The following MEGF11 variants were observed in gnomAD, a reference collection of about 807,000 sequenced individuals.
The protein encoded by MEGF11 is multiple epidermal growth factor-like domains protein 11.
In MEGF11, 126 loss-of-function variants were observed where a neutral mutation model predicts 146.6. That is an observed-to-expected ratio of 0.86 (90% CI 0.74 to 1.00). MEGF11 has a LOEUF of 1.00. Ranked by LOEUF, MEGF11 falls within the 50% of genes least tolerant of loss-of-function variation. The probability of loss-of-function intolerance (pLI) is 0.00; values close to 1 mark genes in which losing one functional copy is unlikely to be tolerated. For missense variants in MEGF11, 1,509 were observed against 1,521.2 expected, an observed-to-expected ratio of 0.99 and a Z score of 0.13; for synonymous variants, 532 against 583.4, an observed-to-expected ratio of 0.91 and a Z score of 1.27.
chr15:65,936,244 G>A (rs2079782170), intron 10 of MEGF11, among the ~76,000 whole-genome samples: 1 of 152,166 alleles, frequency 6.6e-6, no homozygotes, highest in Admixed American at 6.5e-5. Context: ...GGAATTGGGT[G>A]CATACATAGC....
chr15:66,085,263 G>A (rs1019962347), intron 5 of MEGF11, among the ~76,000 whole-genome samples: 2 of 152,076 alleles, frequency 1.3e-5, no homozygotes, highest in African/African-American at 4.8e-5. Flanking sequence ...GAAGACAAAG[G>A]GCATATAATT....
intron 1 of MEGF11, among the ~76,000 whole-genome samples, chr15:66,221,145 A>G (rs548994140): frequency 6.6e-6 from 1 of 152,180 alleles, no homozygotes; most frequent in South Asian, 2.1e-4. Context: ...ATCCACAGGG[A>G]TGGTGCTGGC....
intron 1 of MEGF11, among the ~76,000 whole-genome samples, chr15:66,241,613 G>C (rs566261328): frequency 2.0e-5 from 3 of 152,070 alleles, no homozygotes; most frequent in Non-Finnish European, 4.4e-5. Flanking sequence ...GCTTTTTTGC[G>C]GGGAGGAGGA....
intron 10 of MEGF11, among the ~76,000 whole-genome samples, chr15:65,956,314 C>T (rs2080637012): frequency 6.6e-6 from 1 of 152,214 alleles, no homozygotes; most frequent in Admixed American, 6.5e-5. Context: ...CCATCCCAGA[C>T]TGACTGAATC....
chr15:66,141,275 T>TGA (rs1283377126), intron 1 of MEGF11, among the ~76,000 whole-genome samples: 13 of 130,358 alleles, frequency 1.0e-4, no homozygotes, highest in African/African-American at 3.6e-4. Flanking sequence ...TGTGTGTGTG[T>TGA]GTGTGTGTGT....
intron 3 of MEGF11, among the ~76,000 whole-genome samples, chr15:66,123,017 T>C (rs2088125674): frequency 6.6e-6 from 1 of 152,164 alleles, no homozygotes. Flanking sequence ...TCTCCTGACC[T>C]TGTGATACGC....
chr15:65,922,673 A>G (rs2079215848), intron 14 of MEGF11, 150 bp downstream of exon 14: 3 of 1,238,530 alleles, frequency 2.4e-6, no homozygotes. Flanking sequence ...AAACCTGGGG[A>G]CAGAACTGCA....
rs548800698 is a variant in MEGF11, at chr15:66,149,819, G to T, written c.-8-21408C>A. Among the ~76,000 whole-genome samples the T allele has an allele frequency of 2.0e-5, 3 of 152,348 alleles. No individual in the cohort carries two copies. The South Asian group carries it at 6.2e-4, about 32-fold the overall frequency. On this transcript the variant is annotated intron_variant, in intron 1 of 25. Coordinates refer to ENST00000395614, the MANE Select transcript of MEGF11 (RefSeq NM_001385028.1). The stretch of plus-strand genomic sequence containing the variant: ...ATCCACTTAGCAGTTTTAGAGCCCA[G>T]TGGGGAGGTTCACCTGAGACACTCC...
At chr15:66,054,271 T>C (rs552618082) in intron 5 of MEGF11, among the ~76,000 whole-genome samples, 4 of 152,320 alleles carry the variant, frequency 2.6e-5, no homozygotes, top group African/African-American at 7.2e-5. Context: ...GCCAACCATG[T>C]GAAACACAAA....
At chr15:66,184,583 AC>A in intron 1 of MEGF11, among the ~76,000 whole-genome samples, 1 of 31,424 alleles carries the variant, frequency 3.2e-5, no homozygotes, top group East Asian at 7.8e-4. Context: ...CTACCTGCCC[AC>A]CCCCTACCTT....
chr15:66,202,267 C>A (rs1209605397), intron 1 of MEGF11, among the ~76,000 whole-genome samples: 4 of 152,222 alleles, frequency 2.6e-5, no homozygotes, highest in African/African-American at 9.7e-5. Flanking sequence ...ACACAGGCAG[C>A]CACCAGCCAT....
intron 1 of MEGF11, among the ~76,000 whole-genome samples, chr15:66,250,577 G>A (rs945376433): frequency 6.6e-6 from 1 of 152,180 alleles, no homozygotes; most frequent in Admixed American, 6.5e-5. Flanking sequence ...CCTTTCATAA[G>A]TTCGGAACAC....
In MEGF11 at chr15:65,922,428, G is replaced by T. The variant is rs1483441375; in HGVS notation, c.1867C>A (p.Pro623Thr). The T allele has an allele frequency of 6.3e-7, 1 of 1,587,798 alleles. No individual in the cohort carries two copies. Residue 623 changes from proline to threonine, a missense_variant, in exon 15 of 26, where the codon CCC (proline) becomes ACC (threonine). Transcript: ENST00000395614. ...FYGHGCAQPC[P>T]LCVHSSRPCH... Reference sequence around the variant, plus strand: ...GGCCTGCTGCTGTGCACGCAGAGGGGGCATGGCTGGGCGCAGCCGTGGCCA... The same window carrying T: ...GGCCTGCTGCTGTGCACGCAGAGGGTGCATGGCTGGGCGCAGCCGTGGCCA...
At chr15:66,009,594 T>TTTTC (rs1491349433) in intron 5 of MEGF11, among the ~76,000 whole-genome samples, 386 of 13,726 alleles carry the variant, frequency 0.028, 6 homozygotes, top group South Asian at 0.039. Flanking sequence ...TCACATATGG[T>TTTTC]TTTTTTTTTT....
At chr15:65,912,584 C>T (rs893010424) in intron 20 of MEGF11, 1 of 156,150 alleles carries the variant, frequency 6.4e-6, no homozygotes, top group African/African-American at 2.4e-5. Context: ...TAAAGAGAAC[C>T]TCACTTCTGA....
At chr15:66,114,068 C>T (rs996057962) in intron 4 of MEGF11, among the ~76,000 whole-genome samples, 1 of 152,126 alleles carries the variant, frequency 6.6e-6, no homozygotes, top group Non-Finnish European at 1.5e-5. Context: ...GATTCTGGTT[C>T]GGCAGCTCAC....
At chr15:66,081,144 G>T (rs929047436) in intron 5 of MEGF11, among the ~76,000 whole-genome samples, 1 of 152,116 alleles carries the variant, frequency 6.6e-6, no homozygotes, top group Non-Finnish European at 1.5e-5. Flanking sequence ...TCACAAGGCC[G>T]CCCCATCCCC....
At chr15:66,081,535 T>C (rs189082217) in intron 5 of MEGF11, among the ~76,000 whole-genome samples, 2 of 152,194 alleles carry the variant, frequency 1.3e-5, no homozygotes, top group African/African-American at 2.4e-5. Context: ...CCCTCCACCA[T>C]GCCCAGCTAA....
intron 1 of MEGF11, among the ~76,000 whole-genome samples, chr15:66,221,660 T>C (rs1435744589): frequency 6.6e-6 from 1 of 151,680 alleles, no homozygotes; most frequent in Non-Finnish European, 1.5e-5. Context: ...ATATTTTGTC[T>C]GATTTCTGGG....
Sources: gnomAD v4.1 joint callset for allele counts (sites outside exome capture counted in the v4.1 genomes callset) on GRCh38, gnomAD v4.1.1 for gene constraint, MANE v1.5 for transcripts, NCBI Gene and HGNC (gene_info 2026-07-23, HGNC 2026-07-21) for gene names.